The following RNF212 variants were observed in gnomAD, a reference collection of about 807,000 sequenced individuals.
The protein encoded by RNF212 is ring finger protein 212.
In RNF212, 33 loss-of-function variants were observed where a neutral mutation model predicts 34.7. That is an observed-to-expected ratio of 0.95 (90% confidence interval 0.72 to 1.27). The LOEUF (loss-of-function observed/expected upper bound fraction) is 1.27, where lower values mean the gene tolerates loss of function less well. Among genes scored for constraint, RNF212 ranks in the 50% most tolerant of loss-of-function variants. RNF212 has a pLI of 0.00. For synonymous variants in RNF212, 140 were observed against 136.1 expected, an observed-to-expected ratio of 1.03 and a Z score of -0.20; for missense variants, 377 against 362.2, an observed-to-expected ratio of 1.04 and a Z score of -0.33.
At chr4:1,058,601 C>G (rs1312397054) in intron 3 of RNF212, among the ~76,000 whole-genome samples, 2 of 152,176 alleles carry the variant, frequency 1.3e-5, no homozygotes, top group Admixed American at 1.3e-4. Context: ...CTGAGAAGCC[C>G]TGGGTCTTCC....
At chr4:1,076,891 G>A (rs1325268170) in intron 8 of RNF212, among the ~76,000 whole-genome samples, 1 of 152,204 alleles carries the variant, frequency 6.6e-6, no homozygotes, top group Non-Finnish European at 1.5e-5. Flanking sequence ...TGACAGAGTT[G>A]AGTAGCTGTG....
At chr4:1,078,291 C>G (rs1369984438) in intron 8 of RNF212, among the ~76,000 whole-genome samples, 1 of 152,212 alleles carries the variant, frequency 6.6e-6, no homozygotes, top group Non-Finnish European at 1.5e-5. Flanking sequence ...CCTCCTGCCC[C>G]ACAGGCTTCT....
rs571061609 is a variant in RNF212, at chr4:1,095,467, G to A, written c.246+1298C>T. Among the ~76,000 whole-genome samples, 3 of 45,004 alleles carry A rather than the reference G, an allele frequency of 6.7e-5. 1 individual carries two copies. The highest frequency in any genetic ancestry group is 1.7e-4 in the Non-Finnish European group (3 of 18,072). 29.5% of individuals were successfully genotyped at this position (45,004 alleles called of 152,430 possible). ...CCAAGCACAACTCCCACAGCTCCAC[G>A]GTCTCGGGATAGCGCACCTGGCTCA... On this transcript the variant is annotated intron_variant, in intron 3 of 9. Transcript: ENST00000433731.
intron 3 of RNF212, among the ~76,000 whole-genome samples, chr4:1,091,711 A>T (rs553108108): frequency 1.3e-5 from 2 of 152,238 alleles, no homozygotes; most frequent in Non-Finnish European, 2.9e-5. Context: ...TTTGTTCCCA[A>T]CCTCCTCCAT....
At chr4:1,079,212 G>T (rs913145855) in intron 8 of RNF212, among the ~76,000 whole-genome samples, 1 of 134,012 alleles carries the variant, frequency 7.5e-6, no homozygotes, top group Non-Finnish European at 1.6e-5. Context: ...CCAACATAGA[G>T]TCAACACAGG....
intron 4 of RNF212, among the ~76,000 whole-genome samples, chr4:1,089,067 A>G (rs1721780219): frequency 6.6e-6 from 1 of 152,206 alleles, no homozygotes. Context: ...CTGCCTAGAG[A>G]AGCCATGAGA....
At chr4:1,099,903 C>T (rs917947010) in intron 2 of RNF212, 20 of 455,786 alleles carry the variant, frequency 4.4e-5, no homozygotes, top group African/African-American at 3.0e-4. Context: ...GTTGGTGACT[C>T]GCTGTCAGAC....
At chr4:1,089,562 T>C (rs956423724) in intron 4 of RNF212, among the ~76,000 whole-genome samples, 1 of 152,148 alleles carries the variant, frequency 6.6e-6, no homozygotes, top group African/African-American at 2.4e-5. Flanking sequence ...AAGGTATGAT[T>C]GTGTTTTGAA....
chr4:1,092,802 C>A (rs1680027), intron 3 of RNF212, among the ~76,000 whole-genome samples: 28,115 of 152,158 alleles, frequency 0.18, 4,218 homozygotes, highest in African/African-American at 0.42. Context: ...TGGGAGGCCG[C>A]GAAGGCCTGA....
intron 3 of RNF212, among the ~76,000 whole-genome samples, chr4:1,095,682 G>C (rs1304414331): frequency 2.5e-5 from 1 of 40,686 alleles, no homozygotes; most frequent in East Asian, 5.4e-4. Flanking sequence ...ACAGAACCAA[G>C]CACACCTCCC....
At chr4:1,096,871 T>C (rs1723149223) in intron 2 of RNF212, 32 bp from the exon 3 acceptor site, 1 of 1,513,180 alleles carries the variant, frequency 6.6e-7, no homozygotes, top group African/African-American at 1.4e-5. Context: ...CTACATTTAT[T>C]GTGTCTAATA....
chr4:1,080,044 G>T (rs1720072381), intron 7 of RNF212, among the ~76,000 whole-genome samples: 1 of 152,180 alleles, frequency 6.6e-6, no homozygotes, highest in Non-Finnish European at 1.5e-5. Flanking sequence ...GCTGGACTAG[G>T]ACGTTCTGAG....
At chr4:1,080,241 GCTCA>G (rs1302441576) in intron 7 of RNF212, among the ~76,000 whole-genome samples, 1 of 152,158 alleles carries the variant, frequency 6.6e-6, no homozygotes, top group Admixed American at 6.5e-5. Context: ...GCGGAAAGAG[GCTCA>G]CTCTTTTCCA....
chr4:1,073,230 G>A (rs900255140), intron 9 of RNF212, 37 bp from the exon 10 acceptor site: 14 of 1,602,244 alleles, frequency 8.7e-6, no homozygotes, highest in Non-Finnish European at 1.2e-5. Flanking sequence ...GTGGGGAGAT[G>A]GCCTGTGTGG....
chr4:1,058,411 T>A, intron 3 of RNF212: 1 of 963,998 alleles, frequency 1.0e-6, no homozygotes, highest in Non-Finnish European at 1.2e-6. Flanking sequence ...GGAACAAGAA[T>A]AAAACATGAG....
At chr4:1,100,968 A>G (rs1723888553) in intron 2 of RNF212, 1 of 179,610 alleles carries the variant, frequency 5.6e-6, no homozygotes, top group Non-Finnish European at 1.3e-5. Context: ...GGCTGAAATC[A>G]CCTGTTAGCT....
chr4:1,113,619 C>T, upstream of RNF212: 1 of 519,440 alleles, frequency 1.9e-6, no homozygotes, highest in Non-Finnish European at 3.3e-6. Context: ...TCGCGCCCTC[C>T]CGCCAACCTC....
Position 1,057,950 on chromosome 4 carries a change from A to G in RNF212, n.220+371T>C, listed in dbSNP as rs959536479. Among the ~76,000 whole-genome samples the G allele has an allele frequency of 5.3e-5, 8 of 151,934 alleles. 1 individual carries two copies. The highest frequency in any genetic ancestry group is 2.6e-4 in the Admixed American group (4 of 15,248). ...GTGGCACATGCCTGTAATCCCAGCT[A>G]CTCGGGAGGCTGAGGCAGGAGAATC... is the stretch of plus-strand genomic sequence containing the variant. On this transcript the variant is annotated intron_variant and non_coding_transcript_variant, in intron 4 of 4. Transcript: ENST00000503206.
chr4:1,070,878 TG>T (rs1234337589), downstream of RNF212, among the ~76,000 whole-genome samples: 7 of 151,980 alleles, frequency 4.6e-5, no homozygotes, highest in African/African-American at 7.3e-5. Flanking sequence ...GTTGGAGTTT[TG>T]TTTTTTTTTT....
Sources: allele counts gnomAD v4.1 joint callset (sites outside exome capture counted in the v4.1 genomes callset), GRCh38; gene constraint gnomAD v4.1.1; transcripts MANE v1.5; gene names NCBI Gene and HGNC (gene_info 2026-07-23, HGNC 2026-07-21).